Variants in TASP1 observed in about 807,000 individuals in gnomAD.
TASP1 encodes the protein threonine aspartase 1.
Under a neutral mutation model 56.6 loss-of-function variants are expected in TASP1, and 16 were observed. The observed-to-expected ratio is 0.28, with a 90% CI of 0.19 to 0.43. The LOEUF (loss-of-function observed/expected upper bound fraction) is 0.43, where lower values mean the gene tolerates loss of function less well. Among genes scored for constraint, TASP1 ranks in the 20% least tolerant of loss-of-function variants. The pLI is 1.00. For missense variants in TASP1, 393 were observed against 511.6 expected (o/e 0.77, Z 2.24); for synonymous variants, 179 against 184.2 (o/e 0.97, Z 0.23).
chr20:13,367,928 G>T, the TASP1 span, among the ~76,000 whole-genome samples: 1 of 152,120 alleles, frequency 6.6e-6, no homozygotes, highest in Non-Finnish European at 1.5e-5. Context: ...TGAAAAACTG[G>T]TTGCTTCTAT....
chr20:13,553,447 G>GTGAA (rs2046048801), intron 8 of TASP1, among the ~76,000 whole-genome samples: 1 of 152,130 alleles, frequency 6.6e-6, no homozygotes, highest in African/African-American at 2.4e-5. Flanking sequence ...TACCCAGAGA[G>GTGAA]TGAAGTAGAA....
chr20:13,424,039 G>C (rs1260146131), intron 12 of TASP1, among the ~76,000 whole-genome samples: 3 of 152,048 alleles, frequency 2.0e-5, no homozygotes, highest in African/African-American at 7.2e-5. Flanking sequence ...TATACTTAAG[G>C]CAAAATCTGC....
chr20:13,466,570 C>G (rs1051187202), intron 11 of TASP1, among the ~76,000 whole-genome samples: 1 of 152,138 alleles, frequency 6.6e-6, no homozygotes, highest in Admixed American at 6.6e-5. Flanking sequence ...CACAGTGAAA[C>G]CCCGTCACCA....
At chr20:13,155,605 T>C in the TASP1 span, among the ~76,000 whole-genome samples, 9 of 152,076 alleles carry the variant, frequency 5.9e-5, no homozygotes, top group Non-Finnish European at 1.2e-4. Context: ...GGCAGGCAGA[T>C]CATGAGGTCA....
At chr20:13,371,107 T>C in the TASP1 span, among the ~76,000 whole-genome samples, 5 of 152,160 alleles carry the variant, frequency 3.3e-5, no homozygotes, top group Non-Finnish European at 7.4e-5. Flanking sequence ...ATTGATCTTT[T>C]TGACAAACCA....
chr20:13,345,492 G>T, the TASP1 span, among the ~76,000 whole-genome samples: 1 of 152,216 alleles, frequency 6.6e-6, no homozygotes, highest in Non-Finnish European at 1.5e-5. Context: ...CTCCATGGGG[G>T]ACTGGGGGGA....
At chr20:13,212,987 A>G in the TASP1 span, among the ~76,000 whole-genome samples, 98 of 152,342 alleles carry the variant, frequency 6.4e-4, no homozygotes, top group Middle Eastern at 3.4e-3. Flanking sequence ...TAAAGACGTT[A>G]GAACCAGCCA....
chr20:13,268,347 C>CCTCTCT, the TASP1 span, among the ~76,000 whole-genome samples: 1 of 66,600 alleles, frequency 1.5e-5, no homozygotes, highest in Non-Finnish European at 2.9e-5. Flanking sequence ...CCTTCTTCTT[C>CCTCTCT]CTCTCTCTCT....
the TASP1 span, among the ~76,000 whole-genome samples, chr20:13,108,858 T>C: frequency 6.6e-6 from 1 of 152,232 alleles, no homozygotes; most frequent in Admixed American, 6.5e-5. Context: ...GTGTTTCTAA[T>C]GCCTGGTGAA....
At chr20:13,277,731 G>A in the TASP1 span, among the ~76,000 whole-genome samples, 2 of 151,748 alleles carry the variant, frequency 1.3e-5, no homozygotes, top group African/African-American at 4.8e-5. Context: ...TGGAGTAAGG[G>A]TGGTGGCATG....
At chr20:13,489,489 A>C (rs1195121400) in intron 10 of TASP1, among the ~76,000 whole-genome samples, 1 of 152,056 alleles carries the variant, frequency 6.6e-6, no homozygotes, top group Non-Finnish European at 1.5e-5. Context: ...ATGAGCATCA[A>C]GGACCATCCA....
At chr20:13,306,949 C>T in the TASP1 span, among the ~76,000 whole-genome samples, 2 of 152,126 alleles carry the variant, frequency 1.3e-5, no homozygotes, top group African/African-American at 4.8e-5. Flanking sequence ...CCCAAGGCCA[C>T]CTGCTCTGTG....
chr20:13,310,157 A>G, the TASP1 span, among the ~76,000 whole-genome samples: 11 of 152,216 alleles, frequency 7.2e-5, no homozygotes, highest in African/African-American at 2.7e-4. Flanking sequence ...AAAGGAACAA[A>G]GCTGGAAGTA....
chr20:13,305,955 G>A, the TASP1 span, among the ~76,000 whole-genome samples: 2 of 152,156 alleles, frequency 1.3e-5, no homozygotes, highest in Admixed American at 1.3e-4. Flanking sequence ...AATGAGTGGG[G>A]CACTGGATTG....
chr20:13,378,766 GTGCATATA>G, the TASP1 span, among the ~76,000 whole-genome samples: 5 of 152,232 alleles, frequency 3.3e-5, no homozygotes, highest in Non-Finnish European at 1.5e-5. Context: ...CCTGTATTGT[GTGCATATA>G]TATTTAGGAT....
the TASP1 span, among the ~76,000 whole-genome samples, chr20:13,153,634 G>A: frequency 1.3e-5 from 2 of 152,132 alleles, no homozygotes; most frequent in Non-Finnish European, 2.9e-5. Context: ...GGGGGTGGGG[G>A]AAGTGGTTAT....
the TASP1 span, among the ~76,000 whole-genome samples, chr20:13,293,061 A>G: frequency 6.6e-6 from 1 of 151,992 alleles, no homozygotes; most frequent in South Asian, 2.1e-4. Flanking sequence ...TTAGCTGGGC[A>G]TGGTGGCAGG....
intron 4 of TASP1, among the ~76,000 whole-genome samples, chr20:13,606,250 T>G (rs1243611764): frequency 6.6e-6 from 1 of 152,092 alleles, no homozygotes; most frequent in Non-Finnish European, 1.5e-5. Flanking sequence ...CAGTGGGTAC[T>G]TTTCTCTCTG....
the TASP1 span, among the ~76,000 whole-genome samples, chr20:13,284,047 A>G: frequency 6.6e-6 from 1 of 152,314 alleles, no homozygotes; most frequent in Non-Finnish European, 1.5e-5. Flanking sequence ...TTAGGCAAGT[A>G]CCTTAACCTC....
Sources: gnomAD v4.1 joint callset for allele counts (sites outside exome capture counted in the v4.1 genomes callset) on GRCh38, gnomAD v4.1.1 for gene constraint, MANE v1.5 for transcripts, NCBI Gene and HGNC (gene_info 2026-07-23, HGNC 2026-07-21) for gene names.